ZNF420: variants seen among roughly 807,000 people sequenced by gnomAD.
The protein encoded by ZNF420 is ATM and p53-associated KZNF protein.
In ZNF420, 31 loss-of-function variants were observed where a neutral mutation model predicts 44.7. The observed-to-expected ratio is 0.69, with a 90% CI of 0.52 to 0.94. The LOEUF (loss-of-function observed/expected upper bound fraction) is 0.94. ZNF420 is among the 40% of genes least tolerant of loss of function. The pLI is 0.00. For missense variants in ZNF420, 681 were observed against 827.9 expected, an observed-to-expected ratio of 0.82 and a Z score of 2.18; for synonymous variants, 245 against 267.4, an observed-to-expected ratio of 0.92 and a Z score of 0.82.
At chr19:37,122,972 A>G (rs897970938) in intron 4 of ZNF420, among the ~76,000 whole-genome samples, 3 of 152,140 alleles carry the variant, frequency 2.0e-5, no homozygotes, top group African/African-American at 4.8e-5. Flanking sequence ...ACTTTTCACA[A>G]TCCCTCCCAG....
intron 1 of ZNF420, among the ~76,000 whole-genome samples, chr19:37,008,310 C>G (rs1251321349): frequency 1.3e-5 from 2 of 152,038 alleles, no homozygotes; most frequent in African/African-American, 2.4e-5. Context: ...GTTTCTTTCT[C>G]TGTGTGTGTG....
chr19:37,015,260 C>T (rs10401561), intron 1 of ZNF420, among the ~76,000 whole-genome samples: 24,696 of 152,228 alleles, frequency 0.16, 2,135 homozygotes, highest in African/African-American at 0.23. Context: ...GCTTGGGCTG[C>T]GGGGCCCCAC....
At chr19:37,015,241 T>C (rs1480397733) in intron 1 of ZNF420, among the ~76,000 whole-genome samples, 2 of 152,240 alleles carry the variant, frequency 1.3e-5, no homozygotes, top group Non-Finnish European at 2.9e-5. Context: ...CTCCTCACTC[T>C]GTGGCTCCGC....
chr19:37,016,894 T>G (rs756626407), intron 1 of ZNF420, among the ~76,000 whole-genome samples: 3 of 152,194 alleles, frequency 2.0e-5, no homozygotes, highest in Non-Finnish European at 4.4e-5. Flanking sequence ...AACCTAGATA[T>G]GGGTCACTGC....
At chr19:37,021,795 G>A (rs770429830) in intron 1 of ZNF420, among the ~76,000 whole-genome samples, 8 of 151,664 alleles carry the variant, frequency 5.3e-5, no homozygotes, top group Non-Finnish European at 1.2e-4. Flanking sequence ...AAATTAGCAT[G>A]GCATGGTGGC....
At position 37,127,418 on chromosome 19, in the gene ZNF420, G is replaced by T. The variant is rs778035889; in HGVS notation, c.427G>T (p.Glu143Ter). The T allele has an allele frequency of 6.2e-7, 1 of 1,614,068 alleles. No individual in the cohort carries two copies. The highest frequency in any genetic ancestry group is 8.5e-7 in the Non-Finnish European group (1 of 1,179,974). The change falls in exon 5 of 5, where the codon GAA becomes TAA. Residue 143 changes from glutamate (E) to a stop codon, truncating the protein, a stop_gained. Coordinates refer to ENST00000337995, the MANE Select transcript of ZNF420 (RefSeq NM_144689.5). LOFTEE classifies it low-confidence loss of function (END_TRUNC). ...HSTEKPYKCK[E>*]CGKAFRRASH... ...TACTGAGAAACCCTATAAATGTAAG[G>T]AATGTGGGAAAGCCTTCAGACGAGC...
intron 1 of ZNF420, among the ~76,000 whole-genome samples, chr19:37,030,607 C>CT (rs987586289): frequency 2.6e-5 from 4 of 152,184 alleles, no homozygotes; most frequent in Non-Finnish European, 5.9e-5. Flanking sequence ...AGATCTTGTT[C>CT]TTTTTTAGGG....
Position 37,080,357 on chromosome 19 carries a change from A to G in ZNF420, c.-112A>G, listed in dbSNP as rs1192837967. The G allele has an allele frequency of 1.3e-5, 2 of 152,646 alleles. No homozygotes were observed. The highest frequency in any genetic ancestry group is 2.4e-5 in the African/African-American group (1 of 41,450). The allele number at this position is 152,646 out of a possible 1,614,324, so 9.5% of individuals were successfully genotyped here. On this transcript the variant is annotated 5_prime_UTR_variant, in exon 2 of 5. Transcript: ENST00000337995. ...TTTCTGAGAGTAGAGCCCAGAGGAG[A>G]AAGAATGGCTGTTTCAGTAGCAATG...
intron 1 of ZNF420, among the ~76,000 whole-genome samples, chr19:37,021,567 G>A (rs1239008704): frequency 3.3e-5 from 5 of 152,068 alleles, no homozygotes; most frequent in East Asian, 1.9e-4. Context: ...ACACTGGGCC[G>A]AAATATTTAA....
chr19:37,102,028 T>G (rs1413447352), intron 4 of ZNF420, among the ~76,000 whole-genome samples: 2 of 152,124 alleles, frequency 1.3e-5, no homozygotes, highest in East Asian at 3.9e-4. Flanking sequence ...CTGGGCCCTC[T>G]CGGGATCTGC....
chr19:37,065,568 G>C (rs1044011180), intron 1 of ZNF420, among the ~76,000 whole-genome samples: 1 of 152,238 alleles, frequency 6.6e-6, no homozygotes, highest in Non-Finnish European at 1.5e-5. Flanking sequence ...AGCAAATGGA[G>C]ACATTGGACT....
intron 1 of ZNF420, among the ~76,000 whole-genome samples, chr19:37,058,743 T>G (rs1241197191): frequency 6.6e-6 from 1 of 152,110 alleles, no homozygotes; most frequent in East Asian, 1.9e-4. Context: ...CGTCTCGCAA[T>G]CACCCCATAT....
intron 1 of ZNF420, among the ~76,000 whole-genome samples, chr19:37,070,288 TA>T (rs1968035824): frequency 6.6e-6 from 1 of 152,086 alleles, no homozygotes; most frequent in East Asian, 1.9e-4. Context: ...TAAGAGATTT[TA>T]TAAAAAAAAT....
chr19:37,040,711 C>A (rs1021760743), intron 1 of ZNF420, among the ~76,000 whole-genome samples: 5 of 152,100 alleles, frequency 3.3e-5, no homozygotes, highest in African/African-American at 1.2e-4. Flanking sequence ...AGTACTGTTA[C>A]AACACTGAGG....
chr19:37,057,360 G>A (rs1967776251), intron 1 of ZNF420, among the ~76,000 whole-genome samples: 1 of 152,112 alleles, frequency 6.6e-6, no homozygotes, highest in Non-Finnish European at 1.5e-5. Context: ...TCCCAGTGTC[G>A]ATCTCGTGGA....
At chr19:37,057,237 G>A (rs900078612) in intron 1 of ZNF420, among the ~76,000 whole-genome samples, 2 of 152,206 alleles carry the variant, frequency 1.3e-5, no homozygotes, top group South Asian at 2.1e-4. Context: ...GAAGCAGTGC[G>A]GCATCCAAGC....
At chr19:37,121,874 T>A (rs373342184) in intron 4 of ZNF420, among the ~76,000 whole-genome samples, 1 of 152,198 alleles carries the variant, frequency 6.6e-6, no homozygotes, top group Non-Finnish European at 1.5e-5. Flanking sequence ...AAAATGCTCA[T>A]CATCACTGGC....
chr19:37,082,981 C>T (rs958199613), intron 2 of ZNF420, among the ~76,000 whole-genome samples: 4 of 152,114 alleles, frequency 2.6e-5, no homozygotes, highest in Non-Finnish European at 5.9e-5. Flanking sequence ...CCTTTCTTCC[C>T]TCTATAGTAG....
At chr19:37,123,599 CTTTTTTTTTTTTT>C (rs762782458) in intron 4 of ZNF420, among the ~76,000 whole-genome samples, 1 of 80,358 alleles carries the variant, frequency 1.2e-5, no homozygotes, top group Non-Finnish European at 2.2e-5. Context: ...TTACTCTTGT[CTTTTTTTTTTTTT>C]TTTTTTTTTT....
Sources: gnomAD v4.1 joint callset for allele counts (sites outside exome capture counted in the v4.1 genomes callset) on GRCh38, gnomAD v4.1.1 for gene constraint, MANE v1.5 for transcripts, NCBI Gene and HGNC (gene_info 2026-07-23, HGNC 2026-07-21) for gene names.